The following MLLT1 variants were observed in gnomAD, a reference collection of about 807,000 sequenced individuals.
MLLT1 encodes MLLT1 super elongation complex subunit.
MLLT1 carries 11 observed loss-of-function variants against 55.1 expected under a neutral mutation model. That is an observed-to-expected ratio of 0.20 (90% CI 0.13 to 0.33). MLLT1 has a LOEUF of 0.33. Among genes scored for constraint, MLLT1 ranks in the 10% least tolerant of loss-of-function variants. The pLI is 1.00. For missense variants in MLLT1, 536 were observed against 760.6 expected (o/e 0.70, Z 3.47); for synonymous variants, 323 against 320.1 (o/e 1.01, Z -0.10).
At chr19:6,269,979 C>T (rs150930075) in intron 2 of MLLT1, among the ~76,000 whole-genome samples, 3 of 152,208 alleles carry the variant, frequency 2.0e-5, no homozygotes, top group East Asian at 3.9e-4. Context: ...TTCCCTAGGG[C>T]TCACTTCCCC....
chr19:6,254,113 A>AT (rs1450737688), intron 3 of MLLT1, among the ~76,000 whole-genome samples: 7 of 152,234 alleles, frequency 4.6e-5, no homozygotes, highest in African/African-American at 7.2e-5. Flanking sequence ...GGTGGCTGGA[A>AT]TTTTCAGCCC....
chr19:6,244,063 A>AAAG, intron 3 of MLLT1, among the ~76,000 whole-genome samples: 1 of 151,278 alleles, frequency 6.6e-6, no homozygotes, highest in African/African-American at 2.4e-5. Context: ...AAAAAAAAAA[A>AAAG]AAGAAGTCAA....
At chr19:6,266,023 G>T (rs759281118) in intron 2 of MLLT1, among the ~76,000 whole-genome samples, 2 of 152,136 alleles carry the variant, frequency 1.3e-5, no homozygotes, top group Non-Finnish European at 2.9e-5. Context: ...GCTCACGCCG[G>T]TAATCCCAGC....
rs913096799 is a variant in MLLT1, at chr19:6,256,091, C to A, written c.276+6137G>T. ...AATTAGCCAGACACGGTGGCAGGCA[C>A]CTGTAATCCCAGCTATTCAGGAGGC... On this transcript the variant is annotated intron_variant, in intron 3 of 11. Transcript: ENST00000252674. The surrounding 1 kb of genome is among the most constrained non-coding windows in gnomAD (Gnocchi z 4.1). Among the ~76,000 whole-genome samples the A allele has an allele frequency of 6.6e-6, 1 of 152,070 alleles. No homozygotes were observed. Among genetic ancestry groups the A allele is most frequent in the Non-Finnish European group, 1.5e-5 (1 of 68,014 alleles).
intron 1 of MLLT1, among the ~76,000 whole-genome samples, chr19:6,276,308 G>A (rs1226256865): frequency 2.6e-5 from 4 of 152,156 alleles, no homozygotes; most frequent in Admixed American, 1.3e-4. Flanking sequence ...GGGAGCAGCC[G>A]AGTTGCAGGA....
At position 6,214,173 on chromosome 19, in the gene MLLT1, C is replaced by A. The variant is rs1337223002; in HGVS notation, c.1308-135G>T. 6.7e-6 allele frequency: 3 copies of A among 445,162 alleles called. No homozygotes were observed. The South Asian group carries it at 2.3e-4, about 34-fold the overall frequency. 27.6% of individuals were successfully genotyped at this position (445,162 alleles called of 1,614,324 possible). On this transcript the variant is annotated intron_variant, in intron 8 of 11. Transcript: ENST00000252674. ...CCCCCAACAGCTCCATTCACCTCTG[C>A]GCAGGAACCTCAACTTAAAAATACT... is the stretch of plus-strand genomic sequence containing the variant.
Position 6,231,321 on chromosome 19 carries a change from C to T in MLLT1, c.277-608G>A, listed in dbSNP as rs999115969. Among the ~76,000 whole-genome samples, 6 of 152,098 alleles carry T rather than the reference C, an allele frequency of 3.9e-5. No homozygotes were observed. Among genetic ancestry groups the T allele is most frequent in the Admixed American group, 1.3e-4 (2 of 15,278 alleles). ...ATGGGGCAGGCGCTGATGGATTTTCCGCACGAAGGTGTGAGGAGTTGACAG... is the reference window on the plus strand; with the variant it reads ...ATGGGGCAGGCGCTGATGGATTTTCTGCACGAAGGTGTGAGGAGTTGACAG... On this transcript the variant is annotated intron_variant, in intron 3 of 11. Coordinates refer to ENST00000252674, the MANE Select transcript of MLLT1 (RefSeq NM_005934.4). The surrounding 1 kb of genome is among the most constrained non-coding windows in gnomAD (Gnocchi z 5.1).
chr19:6,250,987 G>T (rs962586303), intron 3 of MLLT1, among the ~76,000 whole-genome samples: 1 of 152,122 alleles, frequency 6.6e-6, no homozygotes, highest in African/African-American at 2.4e-5. Context: ...AAAGAAGCGA[G>T]ACACAAACGT....
intron 3 of MLLT1, among the ~76,000 whole-genome samples, chr19:6,255,117 G>A (rs1307156554): frequency 6.6e-6 from 1 of 152,156 alleles, no homozygotes; most frequent in Non-Finnish European, 1.5e-5. Context: ...AATCAGCTGT[G>A]CTTCTATACA....
At chr19:6,275,414 T>G (rs1398582198) in intron 1 of MLLT1, among the ~76,000 whole-genome samples, 1 of 152,176 alleles carries the variant, frequency 6.6e-6, no homozygotes, top group Non-Finnish European at 1.5e-5. Flanking sequence ...GTGACGAGGC[T>G]TGGGCGATCC....
At position 6,214,073 on chromosome 19, in the gene MLLT1, C is replaced by A. The variant is rs1487757783; in HGVS notation, c.1308-35G>T. 5 of 1,306,538 alleles carry A rather than the reference C, an allele frequency of 3.8e-6. No individual in the cohort carries two copies. In the Admixed American group the frequency reaches 1.0e-4, roughly 26 times the overall value. The allele number at this position is 1,306,538 out of a possible 1,614,324, so 80.9% of individuals were successfully genotyped here. On this transcript the variant is annotated intron_variant, in intron 8 of 11. Coordinates refer to ENST00000252674, the MANE Select transcript of MLLT1 (RefSeq NM_005934.4). ...CACACGGGGGCGCATCAGGCCCCTG[C>A]CGCCACCACGGCCCCCACCCCACCC... is the stretch of plus-strand genomic sequence containing the variant.
chr19:6,237,204 C>T (rs948257257), intron 3 of MLLT1, among the ~76,000 whole-genome samples: 5 of 152,224 alleles, frequency 3.3e-5, no homozygotes, highest in Admixed American at 1.3e-4. Flanking sequence ...CTGTGGCCGG[C>T]GGGCCATGCG....
At chr19:6,248,227 A>AG (rs1430987250) in intron 3 of MLLT1, among the ~76,000 whole-genome samples, 1 of 152,212 alleles carries the variant, frequency 6.6e-6, no homozygotes, top group African/African-American at 2.4e-5. Context: ...TTTCTGGATT[A>AG]GGGATACTCC....
intron 3 of MLLT1, among the ~76,000 whole-genome samples, chr19:6,248,722 C>A (rs1428347875): frequency 6.6e-6 from 1 of 152,150 alleles, no homozygotes; most frequent in Admixed American, 6.5e-5. Flanking sequence ...AGAAAAAGAA[C>A]ATGAATTGAA....
intron 5 of MLLT1, among the ~76,000 whole-genome samples, chr19:6,223,505 T>C (rs1436532625): frequency 3.9e-5 from 6 of 152,166 alleles, no homozygotes; most frequent in Admixed American, 6.5e-5. Context: ...AGCCCAGCTC[T>C]GTGACCTGCA....
chr19:6,258,403 C>G (rs934669918), intron 3 of MLLT1, among the ~76,000 whole-genome samples: 1 of 152,116 alleles, frequency 6.6e-6, no homozygotes, highest in Non-Finnish European at 1.5e-5. Flanking sequence ...ATGCCCAGAA[C>G]AGCAGAAAGG....
Position 6,240,380 on chromosome 19 carries a change from G to A in MLLT1, c.277-9667C>T, listed in dbSNP as rs2091103331. On this transcript the variant is annotated intron_variant, in intron 3 of 11. Transcript: ENST00000252674. The surrounding 1 kb of genome is among the most constrained non-coding windows in gnomAD (Gnocchi z 4.7). Reference sequence around the variant, plus strand: ...AACTTCAAACTCCACTGTGGAGCACGCTGCCGCCACTGGAAGGAGCTCGAC... The same window carrying A: ...AACTTCAAACTCCACTGTGGAGCACACTGCCGCCACTGGAAGGAGCTCGAC... Among the ~76,000 whole-genome samples, 1 of 152,262 alleles carries A rather than the reference G, an allele frequency of 6.6e-6. No homozygotes were observed. Among genetic ancestry groups the A allele is most frequent in the South Asian group, 2.1e-4 (1 of 4,834 alleles).
At chr19:6,223,620 G>A (rs1465494673) in intron 5 of MLLT1, among the ~76,000 whole-genome samples, 1 of 152,196 alleles carries the variant, frequency 6.6e-6, no homozygotes, top group Non-Finnish European at 1.5e-5. Flanking sequence ...GGCTGGCAGC[G>A]AGCACACAGT....
chr19:6,278,649 G>C (rs963629205), intron 1 of MLLT1, among the ~76,000 whole-genome samples: 1 of 152,190 alleles, frequency 6.6e-6, no homozygotes, highest in African/African-American at 2.4e-5. Context: ...CTGGGAGGGA[G>C]ATCTGGACTG....
Sources: gnomAD v4.1 joint callset for allele counts (sites outside exome capture counted in the v4.1 genomes callset) on GRCh38, gnomAD v4.1.1 for gene constraint, Gnocchi (gnomAD v3.1) non-coding constraint, MANE v1.5 for transcripts, NCBI Gene and HGNC (gene_info 2026-07-23, HGNC 2026-07-21) for gene names.